The following HDAC11 variants were observed in gnomAD, a reference collection of about 807,000 sequenced individuals.
The protein encoded by HDAC11 is histone deacetylase 11.
Under a neutral mutation model 41.1 loss-of-function variants are expected in HDAC11, and 23 were observed. The observed-to-expected ratio is 0.56, with a 90% CI of 0.40 to 0.79. HDAC11 has a LOEUF of 0.79. HDAC11 is among the 30% of genes least tolerant of loss of function. The pLI is 0.00. For missense variants in HDAC11, 402 were observed against 477.3 expected, an observed-to-expected ratio of 0.84 and a Z score of 1.47; for synonymous variants, 187 against 186.6, an observed-to-expected ratio of 1.00 and a Z score of -0.02.
rs552792980 is a variant in HDAC11 at position 13,493,998 on chromosome 3, A to G, written c.253-2738A>G. On this transcript the variant is annotated intron_variant, in intron 3 of 9. Transcript: ENST00000295757. ...GACATCTGGGGGGAGCAAAGTTAGAATGGAATATTTGCTGCAGAACTTCTC... is the reference window on the plus strand; with the variant it reads ...GACATCTGGGGGGAGCAAAGTTAGAGTGGAATATTTGCTGCAGAACTTCTC... Among the ~76,000 whole-genome samples, 14 of 152,332 alleles carry G rather than the reference A, an allele frequency of 9.2e-5. No homozygotes were observed. In the South Asian group the frequency reaches 2.7e-3, roughly 29 times the overall value.
chr3:13,482,684 T>C (rs1701375836), intron 2 of HDAC11, among the ~76,000 whole-genome samples: 1 of 152,188 alleles, frequency 6.6e-6, no homozygotes. Context: ...CTACTTGAAA[T>C]GCTGAGGCAG....
intron 3 of HDAC11, among the ~76,000 whole-genome samples, chr3:13,491,509 G>T (rs936422995): frequency 6.6e-6 from 1 of 152,048 alleles, no homozygotes; most frequent in Non-Finnish European, 1.5e-5. Flanking sequence ...TGGTAGAAAG[G>T]ACCCACCTAA....
intron 2 of HDAC11, among the ~76,000 whole-genome samples, chr3:13,481,653 G>T (rs1701327555): frequency 6.6e-6 from 1 of 152,214 alleles, no homozygotes; most frequent in African/African-American, 2.4e-5. Context: ...CTAGTGGAAA[G>T]GTAGCTGATT....
In HDAC11 at chr3:13,502,417, G is replaced by A. The variant is rs1402085960; in HGVS notation, c.553-467G>A. On this transcript the variant is annotated intron_variant, in intron 7 of 9. Transcript: ENST00000295757. This position sits in a 1 kb window ranked among gnomAD's most constrained non-coding sequence, Gnocchi z 4.1. ...CCTCCTCCTCAGGACCCCTAATGAG[G>A]CCAGTGCCTCTGGTCAGACAGGGAG... 5.3e-6 allele frequency: 1 copy of A among 187,462 alleles called. No homozygotes were observed. Among genetic ancestry groups the A allele is most frequent in the Non-Finnish European group, 1.1e-5 (1 of 89,998 alleles). 11.6% of individuals were successfully genotyped at this position (187,462 alleles called of 1,614,324 possible). A position where few individuals can be genotyped will look rare whatever the true frequency, so the allele number is the denominator to read the frequency against.
intron 3 of HDAC11, among the ~76,000 whole-genome samples, chr3:13,486,528 A>G (rs1402192021): frequency 1.4e-5 from 2 of 144,914 alleles, no homozygotes; most frequent in Non-Finnish European, 3.0e-5. Context: ...GTGATGTTTG[A>G]GTTGAGACTA....
chr3:13,496,719 C>T lies in HDAC11; in HGVS notation c.253-17C>T. On this transcript the variant is annotated splice_polypyrimidine_tract_variant and intron_variant, in intron 3 of 9. Transcript: ENST00000295757. ...GGTGGGGAAGCGGAGGCCAACAGCC[C>T]CTGTCTTTTTCCGCAGTGGTCCTTT... 6.4e-7 allele frequency: 1 copy of T among 1,551,402 alleles called. No individual in the cohort carries two copies. The highest frequency in any genetic ancestry group is 8.8e-7 in the Non-Finnish European group (1 of 1,132,756).
chr3:13,503,953 C>A, intron 8 of HDAC11, 141 bp from the exon 9 acceptor site: 1 of 742,032 alleles, frequency 1.3e-6, no homozygotes, highest in Non-Finnish European at 2.2e-6. Context: ...GTGCTCTTTT[C>A]ACCTTAGTTT....
Position 13,506,379 on chromosome 3 carries a change from A to G in HDAC11, c.*1696A>G, listed in dbSNP as rs1241563092. ...AAGTTCTTGTAGCGCAAGGCCTGAC[A>G]TGGGTAGCTGCTCAATAAATGCTAG... On this transcript the variant is annotated 3_prime_UTR_variant, in exon 10 of 10. Coordinates refer to ENST00000295757, the MANE Select transcript of HDAC11 (RefSeq NM_024827.4). 6.6e-6 allele frequency: 1 copy of G among 152,202 alleles called. No individual in the cohort carries two copies. Among genetic ancestry groups the G allele is most frequent in the East Asian group, 1.9e-4 (1 of 5,188 alleles). The allele number at this position is 152,202 out of a possible 1,614,324, so 9.4% of individuals were successfully genotyped here.
chr3:13,480,407 C>G lies in HDAC11; in HGVS notation c.2+58C>G, dbSNP rs538517688. 3,890 of 1,070,400 alleles carry G rather than the reference C, an allele frequency of 3.6e-3. 120 individuals carry two copies. The African/African-American group carries it at 0.061, about 17-fold the overall frequency. 66.3% of individuals were successfully genotyped at this position (1,070,400 alleles called of 1,614,324 possible). ...TCCCAGGGGTCCCGGTGGGCGGGCG[C>G]GCTAGGGCGAGGGCGGGGACGGCCG... On this transcript the variant is annotated intron_variant, in intron 1 of 9. Coordinates refer to ENST00000295757, the MANE Select transcript of HDAC11 (RefSeq NM_024827.4). This position sits in a 1 kb window ranked among gnomAD's most constrained non-coding sequence, Gnocchi z 4.6.
At chr3:13,501,056 T>A (rs113257876) in intron 6 of HDAC11, among the ~76,000 whole-genome samples, 357 of 152,260 alleles carry the variant, frequency 2.3e-3, no homozygotes, top group African/African-American at 8.1e-3. Context: ...AGGGTCAGGA[T>A]CTGCTGTATA....
chr3:13,503,239 A>G (rs573817987), intron 8 of HDAC11: 3 of 313,858 alleles, frequency 9.6e-6, no homozygotes, highest in African/African-American at 4.3e-5. Flanking sequence ...AAAAAGAAAA[A>G]TAGGATAAAT....
rs909228991 is a variant in HDAC11 at position 13,502,943 on chromosome 3, C to T, written c.612C>T (p.Tyr204=). 4 of 1,613,386 alleles carry T rather than the reference C, an allele frequency of 2.5e-6. No individual in the cohort carries two copies. In the African/African-American group the frequency reaches 5.3e-5, roughly 22 times the overall value. The change falls in exon 8 of 10, where the codon TAC becomes TAT. Residue 204 remains tyrosine, a synonymous_variant. Coordinates refer to ENST00000295757, the MANE Select transcript of HDAC11 (RefSeq NM_024827.4). The surrounding 1 kb of genome is among the most constrained non-coding windows in gnomAD (Gnocchi z 4.1). ...AGCGTGTGTACATCATGGATGTCTA[C>T]AACCGCCACATCTACCCAGGGGACC... is the stretch of plus-strand genomic sequence containing the variant. ...DDKRVYIMDV[Y]NRHIYPGDRF...
At chr3:13,486,893 T>TGTTTCA (rs1701622298) in intron 3 of HDAC11, among the ~76,000 whole-genome samples, 1 of 152,108 alleles carries the variant, frequency 6.6e-6, no homozygotes, top group Non-Finnish European at 1.5e-5. Flanking sequence ...TGTATAGCTT[T>TGTTTCA]GAAGGAAGAA....
intron 3 of HDAC11, among the ~76,000 whole-genome samples, chr3:13,492,607 C>G (rs751465565): frequency 6.6e-6 from 1 of 152,078 alleles, no homozygotes; most frequent in South Asian, 2.1e-4. Flanking sequence ...TGCAGTGGTG[C>G]GATCTTGGCT....
intron 3 of HDAC11, among the ~76,000 whole-genome samples, chr3:13,485,447 C>T (rs752391969): frequency 2.0e-5 from 3 of 152,216 alleles, no homozygotes; most frequent in Middle Eastern, 3.4e-3. Flanking sequence ...GGACAGGAGG[C>T]GCTCAGCTGG....
intron 3 of HDAC11, among the ~76,000 whole-genome samples, chr3:13,495,088 C>T (rs1172350038): frequency 6.6e-6 from 1 of 152,174 alleles, no homozygotes; most frequent in Non-Finnish European, 1.5e-5. Context: ...CCACTTTCCT[C>T]TCATGGAATG....
At position 13,480,993 on chromosome 3, in the gene HDAC11, A is replaced by C. The variant is rs1257326487; in HGVS notation, c.3-253A>C. 1 of 535,402 alleles carries C rather than the reference A, an allele frequency of 1.9e-6. No homozygotes were observed. The highest frequency in any genetic ancestry group is 1.9e-5 in the African/African-American group (1 of 52,490). 33.2% of individuals were successfully genotyped at this position (535,402 alleles called of 1,614,324 possible). A position where few individuals can be genotyped will look rare whatever the true frequency, so the allele number is the denominator to read the frequency against. Reference sequence around the variant, plus strand: ...ACAGACCTGCACTGTGACCTTGGGCACACCTGGTCTGCTCTCTGAGCCTCT... The same window carrying C: ...ACAGACCTGCACTGTGACCTTGGGCCCACCTGGTCTGCTCTCTGAGCCTCT... On this transcript the variant is annotated intron_variant, in intron 1 of 9. Coordinates refer to ENST00000295757, the MANE Select transcript of HDAC11 (RefSeq NM_024827.4). This position sits in a 1 kb window ranked among gnomAD's most constrained non-coding sequence, Gnocchi z 4.6.
intron 3 of HDAC11, among the ~76,000 whole-genome samples, chr3:13,486,063 T>A (rs1015075259): frequency 3.3e-5 from 5 of 149,356 alleles, no homozygotes; most frequent in Non-Finnish European, 5.9e-5. Context: ...AGGTCGGGAG[T>A]TTGAGATCAG....
At chr3:13,497,707 G>C (rs1435957876) in intron 4 of HDAC11, among the ~76,000 whole-genome samples, 1 of 152,086 alleles carries the variant, frequency 6.6e-6, no homozygotes, top group African/African-American at 2.4e-5. Flanking sequence ...ACCCAGCCCT[G>C]GATCACTACC....
Sources: allele counts gnomAD v4.1 joint callset (sites outside exome capture counted in the v4.1 genomes callset), GRCh38; gene constraint gnomAD v4.1.1; non-coding constraint Gnocchi (gnomAD v3.1); transcripts MANE v1.5; gene names NCBI Gene and HGNC (gene_info 2026-07-23, HGNC 2026-07-21).